The following PADI4 variants were observed in gnomAD, a reference collection of about 807,000 sequenced individuals.
PADI4 encodes protein-arginine deiminase type-4.
PADI4 carries 62 observed loss-of-function variants against 75.0 expected under a neutral mutation model. The observed-to-expected ratio is 0.83, with a 90% CI of 0.67 to 1.02. The LOEUF (loss-of-function observed/expected upper bound fraction) is 1.02. Among genes scored for constraint, PADI4 ranks in the 50% least tolerant of loss-of-function variants. The probability of loss-of-function intolerance (pLI) is 0.00; values close to 1 mark genes in which losing one functional copy is unlikely to be tolerated. For synonymous variants in PADI4, 361 were observed against 348.1 expected (o/e 1.04, Z -0.41); for missense variants, 845 against 850.5 (o/e 0.99, Z 0.08).
At chr1:17,344,681 C>G (rs2074484355) in intron 8 of PADI4, among the ~76,000 whole-genome samples, 1 of 152,218 alleles carries the variant, frequency 6.6e-6, no homozygotes, top group African/African-American at 2.4e-5. Flanking sequence ...GGGTGGAAGC[C>G]CCAAGCCTTG....
intron 10 of PADI4, among the ~76,000 whole-genome samples, chr1:17,351,753 T>C (rs898030066): frequency 2.0e-5 from 3 of 152,060 alleles, no homozygotes; most frequent in African/African-American, 7.2e-5. Flanking sequence ...AAGAGTGTTG[T>C]AGGCAGTGAA....
intron 1 of PADI4, 126 bp downstream of exon 1, chr1:17,308,440 G>T (rs972436178): frequency 4.2e-5 from 30 of 706,938 alleles, no homozygotes; most frequent in Non-Finnish European, 6.8e-5. Context: ...CACTGCCAGG[G>T]GAGTAGCTGG....
chr1:17,317,419 C>G (rs1274655522), intron 1 of PADI4, among the ~76,000 whole-genome samples: 1 of 151,992 alleles, frequency 6.6e-6, no homozygotes, highest in Non-Finnish European at 1.5e-5. Context: ...CAGACACCCA[C>G]CACCACACCT....
intron 8 of PADI4, among the ~76,000 whole-genome samples, chr1:17,345,665 C>T (rs927847851): frequency 3.3e-5 from 5 of 152,150 alleles, no homozygotes; most frequent in African/African-American, 7.2e-5. Context: ...TTTCTTCTTC[C>T]TCATTTTCTC....
At chr1:17,334,922 G>T (rs999298321) in intron 3 of PADI4, 2 of 234,130 alleles carry the variant, frequency 8.5e-6, no homozygotes, top group South Asian at 4.5e-5. Flanking sequence ...CAGGAGGATC[G>T]CTTGAGCCCA....
intron 1 of PADI4, among the ~76,000 whole-genome samples, chr1:17,311,193 G>A (rs1033786831): frequency 6.6e-6 from 1 of 152,066 alleles, no homozygotes; most frequent in Non-Finnish European, 1.5e-5. Context: ...AACCTGGGAG[G>A]TGGAGGTTGC....
chr1:17,313,094 G>A (rs1049009192), intron 1 of PADI4, among the ~76,000 whole-genome samples: 2 of 152,122 alleles, frequency 1.3e-5, no homozygotes, highest in African/African-American at 4.8e-5. Flanking sequence ...CGAGGGTGAG[G>A]CAAGAGAATC....
chr1:17,311,442 A>T (rs958966559), intron 1 of PADI4, among the ~76,000 whole-genome samples: 2 of 152,090 alleles, frequency 1.3e-5, no homozygotes, highest in African/African-American at 4.8e-5. Flanking sequence ...GTGGGGGTCC[A>T]GGAGGTGCCA....
chr1:17,352,660 G>C (rs2074685600), intron 10 of PADI4, among the ~76,000 whole-genome samples: 1 of 152,192 alleles, frequency 6.6e-6, no homozygotes, highest in Non-Finnish European at 1.5e-5. Flanking sequence ...ACCTCTGTGG[G>C]TGGCAGGCAC....
At chr1:17,330,001 G>T (rs11203365) in intron 1 of PADI4, among the ~76,000 whole-genome samples, 84,470 of 151,984 alleles carry the variant, frequency 0.56, 23,676 homozygotes, top group East Asian at 0.59. Flanking sequence ...TGTTTCTTAA[G>T]AGGAAGGTCC....
In PADI4 at chr1:17,359,349, A is replaced by G. The variant is rs1010423142; in HGVS notation, c.1699A>G (p.Ile567Val). Residue 567 changes from isoleucine to valine, a missense_variant, in exon 15 of 16, where the codon ATC becomes GTC. By Grantham distance (29) the Ile-to-Val change is conservative. Transcript: ENST00000375448. ...LGLAESDIID[I>V]PQLFKLKEFS... ...CCTGGCCGAGAGTGACATCATTGAC[A>G]TCCCGCAGCTCTTCAAGCTCAAAGA... 1.9e-6 allele frequency: 3 copies of G among 1,613,844 alleles called. No individual in the cohort carries two copies. In the African/African-American group the frequency reaches 4.0e-5, roughly 22 times the overall value.
At position 17,359,425 on chromosome 1, in the gene PADI4, T is replaced by G. The variant is rs1191580435; in HGVS notation, c.1758+17T>G. 6.2e-7 allele frequency: 1 copy of G among 1,613,726 alleles called. No homozygotes were observed. The highest frequency in any genetic ancestry group is 8.5e-7 in the Non-Finnish European group (1 of 1,179,894). ...CCCAACATGGTGAGGAGGTGGCGGC[T>G]TTAAAACCCCAGGGTGTGGCATGGA... On this transcript the variant is annotated intron_variant, in intron 15 of 15. Coordinates refer to ENST00000375448, the MANE Select transcript of PADI4 (RefSeq NM_012387.3).
At position 17,334,004 on chromosome 1, in the gene PADI4, G is replaced by C. The variant is rs874881; in HGVS notation, c.335G>C (p.Gly112Ala). 887,977 of 1,602,266 alleles carry C rather than the reference G, an allele frequency of 0.55. 247,750 individuals carry two copies. Among genetic ancestry groups the C allele is most frequent in the East Asian group, 0.59 (26,494 of 44,750 alleles). The change falls in exon 3 of 16, where the codon GGG becomes GCG. Residue 112 changes from glycine to alanine, a missense_variant. By Grantham distance (60) the Gly-to-Ala change is moderately conservative. Coordinates refer to ENST00000375448, the MANE Select transcript of PADI4 (RefSeq NM_012387.3). ...GTCAAAGCTCTACTCTACCTCACCG[G>C]GGTGGGTAAGTGACAACCAGGATCC... ...PPVKALLYLT[G>A]VEISLCADIT...
intron 1 of PADI4, among the ~76,000 whole-genome samples, chr1:17,327,565 G>A (rs1350740540): frequency 6.9e-6 from 1 of 145,878 alleles, no homozygotes; most frequent in African/African-American, 2.5e-5. Context: ...TTTTTGAGAT[G>A]GAGTCTCGCT....
chr1:17,340,790 C>CTT (rs138301211), intron 6 of PADI4, among the ~76,000 whole-genome samples: 200 of 126,882 alleles, frequency 1.6e-3, no homozygotes, highest in African/African-American at 5.5e-3. Flanking sequence ...CTATTCCAAG[C>CTT]TTTTTTTTTT....
intron 10 of PADI4, among the ~76,000 whole-genome samples, chr1:17,348,956 T>G (rs991735554): frequency 2.0e-5 from 3 of 152,192 alleles, no homozygotes; most frequent in African/African-American, 7.2e-5. Context: ...CAAGCATCTG[T>G]ACTGTGCCCC....
intron 1 of PADI4, among the ~76,000 whole-genome samples, chr1:17,319,123 T>TA (rs916111782): frequency 2.0e-5 from 3 of 152,176 alleles, no homozygotes; most frequent in African/African-American, 7.2e-5. Context: ...TACTAACTTT[T>TA]AAAAAAATCT....
chr1:17,326,438 T>C (rs2074118594), intron 1 of PADI4, among the ~76,000 whole-genome samples: 1 of 152,240 alleles, frequency 6.6e-6, no homozygotes, highest in African/African-American at 2.4e-5. Flanking sequence ...ATTACTTAAT[T>C]TCCATTATTA....
intron 1 of PADI4, among the ~76,000 whole-genome samples, chr1:17,309,266 T>G (rs532614012): frequency 2.6e-5 from 4 of 152,126 alleles, no homozygotes; most frequent in African/African-American, 9.6e-5. Flanking sequence ...TTCCAGGCAT[T>G]GTAAAGACCC....
Sources: gnomAD v4.1 joint callset for allele counts (sites outside exome capture counted in the v4.1 genomes callset) on GRCh38, gnomAD v4.1.1 for gene constraint, MANE v1.5 for transcripts, NCBI Gene and HGNC (gene_info 2026-07-23, HGNC 2026-07-21) for gene names.